Variants in MCTP1 observed in about 807,000 individuals in gnomAD.
MCTP1 encodes multiple C2 and transmembrane domain-containing protein 1.
A neutral mutation model predicts 120.6 loss-of-function variants in MCTP1; 69 were observed. The ratio of observed to expected loss-of-function variants is 0.57; its 90% CI spans 0.47 to 0.70. The LOEUF (loss-of-function observed/expected upper bound fraction) is 0.70. Among genes scored for constraint, MCTP1 ranks in the 30% least tolerant of loss-of-function variants. MCTP1 has a pLI of 0.00. For missense variants in MCTP1, 1,203 were observed against 1,248.8 expected (o/e 0.96, Z 0.55); for synonymous variants, 529 against 493.1 (o/e 1.07, Z -0.96).
At chr5:94,765,139 A>G (rs1369459887) in intron 19 of MCTP1, among the ~76,000 whole-genome samples, 1 of 152,184 alleles carries the variant, frequency 6.6e-6, no homozygotes, top group African/African-American at 2.4e-5. Context: ...ACATGCCGCT[A>G]AACAACAATT....
chr5:95,078,881 CAGAT>C (rs1436137842), intron 1 of MCTP1, among the ~76,000 whole-genome samples: 1 of 152,022 alleles, frequency 6.6e-6, no homozygotes, highest in East Asian at 1.9e-4. Flanking sequence ...GTAAGAAAAA[CAGAT>C]AGTTCATAAA....
intron 1 of MCTP1, among the ~76,000 whole-genome samples, chr5:95,171,703 G>A (rs1050145464): frequency 4.0e-5 from 6 of 151,776 alleles, no homozygotes; most frequent in African/African-American, 1.2e-4. Context: ...TGATCGAATC[G>A]GTTACTGAAG....
chr5:95,140,550 A>G (rs1562175711), intron 1 of MCTP1, among the ~76,000 whole-genome samples: 1 of 151,758 alleles, frequency 6.6e-6, no homozygotes, highest in Non-Finnish European at 1.5e-5. Flanking sequence ...CTTTTGGGCT[A>G]TTTTTTTGCT....
chr5:95,101,979 C>G (rs1418811180), intron 1 of MCTP1, among the ~76,000 whole-genome samples: 1 of 151,446 alleles, frequency 6.6e-6, no homozygotes, highest in Non-Finnish European at 1.5e-5. Flanking sequence ...TGTTTTTTTC[C>G]TCACCACTTG....
intron 19 of MCTP1, among the ~76,000 whole-genome samples, chr5:94,749,028 T>C (rs185148608): frequency 6.6e-6 from 1 of 152,318 alleles, no homozygotes; most frequent in African/African-American, 2.4e-5. Context: ...CCCCAGAGCA[T>C]TCTTGTCCTT....
At chr5:94,873,721 CA>C (rs775569221) in intron 12 of MCTP1, among the ~76,000 whole-genome samples, 25 of 151,812 alleles carry the variant, frequency 1.6e-4, no homozygotes, top group Middle Eastern at 3.2e-3. Context: ...TACTATATTG[CA>C]AAATTATAAT....
intron 1 of MCTP1, among the ~76,000 whole-genome samples, chr5:95,208,281 G>A (rs1426279732): frequency 2.0e-5 from 3 of 152,088 alleles, no homozygotes; most frequent in Non-Finnish European, 4.4e-5. Context: ...AGTAGAGGCA[G>A]GGTTTCACTA....
intron 1 of MCTP1, among the ~76,000 whole-genome samples, chr5:95,147,987 G>T (rs1760557511): frequency 6.6e-6 from 1 of 152,086 alleles, no homozygotes; most frequent in Non-Finnish European, 1.5e-5. Flanking sequence ...TGAGATTCTT[G>T]GTTGAATTTC....
At chr5:94,929,943 C>T (rs537764612) in intron 6 of MCTP1, among the ~76,000 whole-genome samples, 3 of 152,228 alleles carry the variant, frequency 2.0e-5, no homozygotes, top group Admixed American at 6.5e-5. Context: ...AGTTGAAAAT[C>T]CCTTAGGCTA....
In MCTP1 at chr5:95,076,681, C is replaced by A. The variant is rs148704201; in HGVS notation, c.721-59197G>T. On this transcript the variant is annotated intron_variant, in intron 1 of 22. Coordinates refer to ENST00000515393, the MANE Select transcript of MCTP1 (RefSeq NM_024717.7). Reference sequence around the variant, plus strand: ...CCAGAAAACAGTGAGCCACAGAAATCAAATGTATTTCAAATAACACAACGC... The same window carrying A: ...CCAGAAAACAGTGAGCCACAGAAATAAAATGTATTTCAAATAACACAACGC... Among the ~76,000 whole-genome samples, 6 of 152,142 alleles carry A rather than the reference C, an allele frequency of 3.9e-5. No individual in the cohort carries two copies. In the East Asian group the frequency reaches 9.6e-4, roughly 24 times the overall value.
intron 19 of MCTP1, among the ~76,000 whole-genome samples, chr5:94,734,983 C>CA: frequency 6.6e-6 from 1 of 152,020 alleles, no homozygotes; most frequent in African/African-American, 2.4e-5. Flanking sequence ...TTTGCTACCA[C>CA]AAAAAAAGTA....
At chr5:95,073,706 C>G (rs1472980013) in intron 1 of MCTP1, among the ~76,000 whole-genome samples, 2 of 152,154 alleles carry the variant, frequency 1.3e-5, no homozygotes, top group Non-Finnish European at 2.9e-5. Context: ...TCAGGTGCCT[C>G]CCTTCAGTGT....
At chr5:95,257,281 T>C (rs371001992) in intron 1 of MCTP1, among the ~76,000 whole-genome samples, 12 of 152,308 alleles carry the variant, frequency 7.9e-5, no homozygotes, top group African/African-American at 2.9e-4. Flanking sequence ...ACTTCATGAG[T>C]ACTAAAAATA....
At chr5:94,966,273 A>G (rs1202111251) in intron 2 of MCTP1, among the ~76,000 whole-genome samples, 1 of 152,178 alleles carries the variant, frequency 6.6e-6, no homozygotes. Flanking sequence ...CCAGACACCC[A>G]TATTTTTCTT....
At chr5:94,785,963 G>A (rs1294384627) in intron 18 of MCTP1, among the ~76,000 whole-genome samples, 2 of 152,016 alleles carry the variant, frequency 1.3e-5, no homozygotes, top group African/African-American at 4.8e-5. Context: ...AAATACTATG[G>A]AAATATTGGA....
At chr5:94,871,857 TA>T (rs1797907656) in intron 13 of MCTP1, among the ~76,000 whole-genome samples, 1 of 152,096 alleles carries the variant, frequency 6.6e-6, no homozygotes, top group Non-Finnish European at 1.5e-5. Flanking sequence ...TACTCTTTTT[TA>T]TAATAATAGG....
chr5:94,874,852 C>A (rs927821598), intron 12 of MCTP1, among the ~76,000 whole-genome samples: 8 of 152,026 alleles, frequency 5.3e-5, no homozygotes, highest in African/African-American at 1.7e-4. Context: ...AATAGTTTTC[C>A]AAATAGAGTT....
intron 1 of MCTP1, among the ~76,000 whole-genome samples, chr5:95,033,024 C>T (rs536894852): frequency 2.4e-4 from 37 of 152,052 alleles, no homozygotes; most frequent in Admixed American, 1.3e-3. Flanking sequence ...CCTGGAAACA[C>T]GCAACCTTCC....
intron 2 of MCTP1, among the ~76,000 whole-genome samples, chr5:94,986,386 T>G (rs1429518223): frequency 6.6e-6 from 1 of 152,190 alleles, no homozygotes; most frequent in African/African-American, 2.4e-5. Flanking sequence ...CCTGGACCTC[T>G]GCTAAATTTC....
Sources: allele counts gnomAD v4.1 joint callset (sites outside exome capture counted in the v4.1 genomes callset), GRCh38; gene constraint gnomAD v4.1.1; transcripts MANE v1.5; gene names NCBI Gene and HGNC (gene_info 2026-07-23, HGNC 2026-07-21).